Variants in COBLL1 observed in about 807,000 individuals in gnomAD.
COBLL1 encodes cordon-bleu WH2 repeat protein like 1.
In COBLL1, 50 loss-of-function variants were observed where a neutral mutation model predicts 94.8. The observed-to-expected ratio is 0.53, with a 90% CI of 0.42 to 0.67. The LOEUF (loss-of-function observed/expected upper bound fraction) is 0.67. COBLL1 is among the 30% of genes least tolerant of loss of function. The pLI is 0.00. For synonymous variants in COBLL1, 448 were observed against 473.8 expected (o/e 0.95, Z 0.71); for missense variants, 1,362 against 1,348.7 (o/e 1.01, Z -0.15).
intron 5 of COBLL1, among the ~76,000 whole-genome samples, chr2:164,726,060 T>C (rs1306787979): frequency 6.6e-6 from 1 of 152,226 alleles, no homozygotes; most frequent in Non-Finnish European, 1.5e-5. Flanking sequence ...TTAAGATTTG[T>C]CCACAACATT....
chr2:164,814,213 C>T (rs1684598299), intron 2 of COBLL1, among the ~76,000 whole-genome samples: 1 of 152,088 alleles, frequency 6.6e-6, no homozygotes, highest in African/African-American at 2.4e-5. Context: ...TCTACCCTTC[C>T]CCATCTGATA....
chr2:164,707,699 T>TA (rs1171312790), intron 7 of COBLL1, among the ~76,000 whole-genome samples: 1 of 151,932 alleles, frequency 6.6e-6, no homozygotes, highest in Non-Finnish European at 1.5e-5. Context: ...CTTGAATGAA[T>TA]AAAAAAATGA....
Position 164,770,503 on chromosome 2 carries a change from C to T in COBLL1, c.42-26628G>A, listed in dbSNP as rs1688154270. Among the ~76,000 whole-genome samples, 6 of 151,936 alleles carry T rather than the reference C, an allele frequency of 3.9e-5. No homozygotes were observed. In the South Asian group the frequency reaches 1.2e-3, roughly 32 times the overall value. ...ATCTTTTGAAACAAAGGAAAAATACCCATATTCTGAAAAGTAAACAATGTT... is the reference window on the plus strand; with the variant it reads ...ATCTTTTGAAACAAAGGAAAAATACTCATATTCTGAAAAGTAAACAATGTT... On this transcript the variant is annotated intron_variant, in intron 2 of 13. Coordinates refer to ENST00000652658, the MANE Select transcript of COBLL1 (RefSeq NM_001365672.2).
chr2:164,798,634 ATC>A (rs1331029673), intron 2 of COBLL1, among the ~76,000 whole-genome samples: 23 of 152,218 alleles, frequency 1.5e-4, no homozygotes, highest in Admixed American at 1.5e-3. Flanking sequence ...CAGGGGGACT[ATC>A]TGCTAACAAA....
intron 2 of COBLL1, among the ~76,000 whole-genome samples, chr2:164,658,631 T>A (rs1351726894): frequency 1.3e-5 from 2 of 152,184 alleles, no homozygotes; most frequent in African/African-American, 4.8e-5. Flanking sequence ...AAAGGCCTGG[T>A]CCAGTAAATA....
intron 3 of COBLL1, among the ~76,000 whole-genome samples, chr2:164,734,252 T>C (rs982331723): frequency 1.3e-5 from 2 of 150,708 alleles, no homozygotes; most frequent in African/African-American, 4.9e-5. Context: ...GTTAGGAATG[T>C]CCTAATTGAA....
At chr2:164,764,546 G>C (rs1687844466) in intron 2 of COBLL1, among the ~76,000 whole-genome samples, 1 of 152,056 alleles carries the variant, frequency 6.6e-6, no homozygotes, top group Non-Finnish European at 1.5e-5. Context: ...ATGTAGTTAT[G>C]GTCTGAAAAT....
chr2:164,747,541 T>C (rs1686926927), intron 2 of COBLL1, among the ~76,000 whole-genome samples: 1 of 152,122 alleles, frequency 6.6e-6, no homozygotes, highest in Non-Finnish European at 1.5e-5. Flanking sequence ...TGGAGTGCAG[T>C]GGAACAATCT....
At chr2:164,735,684 A>G (rs1202879745) in intron 3 of COBLL1, among the ~76,000 whole-genome samples, 1 of 152,184 alleles carries the variant, frequency 6.6e-6, no homozygotes, top group East Asian at 1.9e-4. Flanking sequence ...TCGCTTGAAT[A>G]GAGCTCAGAA....
intron 11 of COBLL1, among the ~76,000 whole-genome samples, chr2:164,698,884 T>A (rs528770029): frequency 2.8e-4 from 43 of 151,860 alleles, no homozygotes; most frequent in African/African-American, 9.9e-4. Context: ...GCAAATGACA[T>A]CATGAGAAAA....
rs757518645 is a variant in COBLL1 at position 164,727,169 on chromosome 2, G to A, written c.661+800C>T. On this transcript the variant is annotated intron_variant, in intron 5 of 13. Transcript: ENST00000652658. Reference sequence around the variant, plus strand: ...GCTACAGAAGGAGGGGTATAAAAGAGGGTAAATTGACTGTGAAGATGATGT... The same window carrying A: ...GCTACAGAAGGAGGGGTATAAAAGAAGGTAAATTGACTGTGAAGATGATGT... 17 of 1,383,464 alleles carry A rather than the reference G, an allele frequency of 1.2e-5. No homozygotes were observed. In the Admixed American group the frequency reaches 3.0e-4, roughly 25 times the overall value. The allele number at this position is 1,383,464 out of a possible 1,614,324, so 85.7% of individuals were successfully genotyped here. A position where few individuals can be genotyped will look rare whatever the true frequency, so the allele number is the denominator to read the frequency against.
downstream of COBLL1, among the ~76,000 whole-genome samples, chr2:164,677,685 T>A (rs1691361757): frequency 6.6e-6 from 1 of 152,176 alleles, no homozygotes; most frequent in Non-Finnish European, 1.5e-5. Context: ...CTCACAAATG[T>A]CTTGCCATGG....
chr2:164,759,186 C>T (rs540214231), intron 2 of COBLL1, among the ~76,000 whole-genome samples: 186 of 152,154 alleles, frequency 1.2e-3, no homozygotes, highest in South Asian at 2.7e-3. Flanking sequence ...TATTAAACAT[C>T]GTTGAGTTAT....
chr2:164,787,124 A>AC (rs1419959776), intron 2 of COBLL1, among the ~76,000 whole-genome samples: 1 of 152,156 alleles, frequency 6.6e-6, no homozygotes, highest in Non-Finnish European at 1.5e-5. Flanking sequence ...AAGGAATTGG[A>AC]CATCTGGCTA....
chr2:164,810,242 C>T lies in COBLL1; in HGVS notation c.41+30914G>A, dbSNP rs149322477. Among the ~76,000 whole-genome samples, 110 of 150,192 alleles carry T rather than the reference C, an allele frequency of 7.3e-4. 2 individuals carry two copies. The East Asian group carries it at 0.021, about 28-fold the overall frequency. ...GGGATATATTTATGAATTTTTTTTT[C>T]TAAAAGAAGAGATTTGAAAATTGGA... On this transcript the variant is annotated intron_variant, in intron 2 of 13. Transcript: ENST00000652658.
chr2:164,816,705 G>A (rs1338067756), intron 2 of COBLL1, among the ~76,000 whole-genome samples: 1 of 152,102 alleles, frequency 6.6e-6, no homozygotes, highest in East Asian at 1.9e-4. Context: ...AAGACAAGGG[G>A]GACTTATCAA....
chr2:164,729,242 T>C (rs1417746384), intron 4 of COBLL1, among the ~76,000 whole-genome samples: 10 of 151,718 alleles, frequency 6.6e-5, no homozygotes, highest in Non-Finnish European at 4.4e-5. Flanking sequence ...TTAAGTCACA[T>C]GTATCAATTT....
intron 2 of COBLL1, among the ~76,000 whole-genome samples, chr2:164,661,738 A>T (rs187362607): frequency 6.6e-6 from 1 of 152,310 alleles, no homozygotes; most frequent in East Asian, 1.9e-4. Context: ...TTGCAGATCC[A>T]TAAACTGTTT....
intron 2 of COBLL1, among the ~76,000 whole-genome samples, chr2:164,808,069 C>T (rs570353333): frequency 6.6e-6 from 1 of 152,268 alleles, no homozygotes; most frequent in South Asian, 2.1e-4. Context: ...ATCTGCCCAC[C>T]TCAGCCTCCC....
Sources: gnomAD v4.1 joint callset for allele counts (sites outside exome capture counted in the v4.1 genomes callset) on GRCh38, gnomAD v4.1.1 for gene constraint, MANE v1.5 for transcripts, NCBI Gene and HGNC (gene_info 2026-07-23, HGNC 2026-07-21) for gene names.